The following GRIN2B variants were observed in gnomAD, a reference collection of about 807,000 sequenced individuals.
GRIN2B encodes glutamate receptor ionotropic, NMDA 2B.
In GRIN2B, 5 loss-of-function variants were observed where a neutral mutation model predicts 114.5. The observed-to-expected ratio is 0.04, with a 90% confidence interval of 0.02 to 0.09. GRIN2B has a LOEUF of 0.09. GRIN2B is among the 10% of genes least tolerant of loss of function. The probability of loss-of-function intolerance (pLI) is 1.00; values close to 1 mark genes in which losing one functional copy is unlikely to be tolerated. For missense variants in GRIN2B, 1,108 were observed against 1,943.5 expected, an observed-to-expected ratio of 0.57 and a Z score of 8.08; for synonymous variants, 787 against 745.1, an observed-to-expected ratio of 1.06 and a Z score of -0.92.
chr12:13,611,096 A>G (rs1949360315), intron 9 of GRIN2B, among the ~76,000 whole-genome samples: 1 of 152,218 alleles, frequency 6.6e-6, no homozygotes, highest in African/African-American at 2.4e-5. Flanking sequence ...CCTCAAACAC[A>G]TGGGCAGCCC....
intron 2 of GRIN2B, among the ~76,000 whole-genome samples, chr12:13,965,057 C>T (rs888221075): frequency 6.6e-6 from 1 of 152,110 alleles, no homozygotes; most frequent in Non-Finnish European, 1.5e-5. Flanking sequence ...TCTATTTAAC[C>T]CACCCCATTT....
intron 2 of GRIN2B, among the ~76,000 whole-genome samples, chr12:13,901,375 G>T (rs1414175808): frequency 6.6e-6 from 1 of 151,606 alleles, no homozygotes; most frequent in Non-Finnish European, 1.5e-5. Flanking sequence ...ATACATTATG[G>T]ATACTTTAAA....
chr12:13,921,199 T>A (rs1482619192), intron 2 of GRIN2B, among the ~76,000 whole-genome samples: 1 of 152,038 alleles, frequency 6.6e-6, no homozygotes, highest in Non-Finnish European at 1.5e-5. Flanking sequence ...GAGTTCAAGA[T>A]CAGCCTGGCC....
Position 13,571,941 on chromosome 12 carries a change from T to A in GRIN2B, c.2034A>T (p.Ser678=), listed in dbSNP as rs773919445. ...GCACGGTCCCAAAGCGGAAAGGGGGTGAGAAGTCATTAGGTCTCTGGAACT... is the reference window on the plus strand; with the variant it reads ...GCACGGTCCCAAAGCGGAAAGGGGGAGAGAAGTCATTAGGTCTCTGGAACT... ...DKKFQRPNDF[S]PPFRFGTVPN... The change falls in exon 11 of 14, where the codon TCA becomes TCT. Residue 678 remains serine, a synonymous_variant. Transcript: ENST00000609686. 6.2e-7 allele frequency: 1 copy of A among 1,613,558 alleles called. No individual in the cohort carries two copies. The highest frequency in any genetic ancestry group is 1.7e-5 in the Admixed American group (1 of 59,972).
intron 4 of GRIN2B, among the ~76,000 whole-genome samples, chr12:13,731,346 T>C (rs1304742374): frequency 6.6e-6 from 1 of 152,122 alleles, no homozygotes; most frequent in Non-Finnish European, 1.5e-5. Flanking sequence ...ACACCTGTAA[T>C]CCCAGCACTT....
intron 2 of GRIN2B, among the ~76,000 whole-genome samples, chr12:13,930,606 G>A (rs952111064): frequency 1.3e-5 from 2 of 152,108 alleles, no homozygotes; most frequent in Admixed American, 6.5e-5. Context: ...TTAATGTATC[G>A]GTAATTTATA....
rs560614200 is a variant in GRIN2B at position 13,783,644 on chromosome 12, G to A, written c.412-29729C>T. On this transcript the variant is annotated intron_variant, in intron 3 of 13. Coordinates refer to ENST00000609686, the MANE Select transcript of GRIN2B (RefSeq NM_000834.5). ...GCTGACTGAAGTCTGTGAATACCCA[G>A]AGAAATTGATGAAGGTCTCTGGGCT... 3.3e-5 allele frequency among the ~76,000 whole-genome samples: 5 copies of A among 152,276 alleles called. No homozygotes were observed. The South Asian group carries it at 8.3e-4, about 25-fold the overall frequency.
At chr12:13,794,754 A>G (rs183985270) in intron 3 of GRIN2B, among the ~76,000 whole-genome samples, 16 of 152,368 alleles carry the variant, frequency 1.1e-4, no homozygotes, top group Middle Eastern at 3.4e-3. Flanking sequence ...CTACTCGCCA[A>G]GCCTCAGAAT....
intron 5 of GRIN2B, among the ~76,000 whole-genome samples, chr12:13,664,171 T>C (rs1017991347): frequency 5.9e-5 from 9 of 152,118 alleles, no homozygotes; most frequent in African/African-American, 2.4e-5. Flanking sequence ...GAGAAAAGCA[T>C]AAGACAGGGC....
In GRIN2B at chr12:13,560,697, TG is replaced by T. The variant is rs1948531563; in HGVS notation, c.*2085del. 1 of 152,232 alleles carries T rather than the reference TG, an allele frequency of 6.6e-6. No individual in the cohort carries two copies. Among genetic ancestry groups the T allele is most frequent in the South Asian group, 2.1e-4 (1 of 4,826 alleles). The allele number at this position is 152,232 out of a possible 1,614,324, so 9.4% of individuals were successfully genotyped here. A position where few individuals can be genotyped will look rare whatever the true frequency, so the allele number is the denominator to read the frequency against. On this transcript the variant is annotated 3_prime_UTR_variant, in exon 14 of 14. Transcript: ENST00000609686. ...CACTCCGTGCTCCTCTCACCAAATCTGTGAGAGGTTCAGCCCCTTGCCCCCA... is the reference window on the plus strand; with the variant it reads ...CACTCCGTGCTCCTCTCACCAAATCTTGAGAGGTTCAGCCCCTTGCCCCCA...
At chr12:13,804,982 T>G (rs1478138108) in intron 3 of GRIN2B, among the ~76,000 whole-genome samples, 1 of 152,224 alleles carries the variant, frequency 6.6e-6, no homozygotes. Flanking sequence ...CCCTGTCATA[T>G]TCGCAATACA....
intron 4 of GRIN2B, among the ~76,000 whole-genome samples, chr12:13,751,049 T>C (rs1343428472): frequency 6.6e-6 from 1 of 152,116 alleles, no homozygotes; most frequent in East Asian, 1.9e-4. Context: ...TAAGGGAACA[T>C]CAGCACCTGT....
chr12:13,718,331 T>C (rs1448761509), intron 4 of GRIN2B, among the ~76,000 whole-genome samples: 1 of 152,038 alleles, frequency 6.6e-6, no homozygotes, highest in Non-Finnish European at 1.5e-5. Context: ...CATCTCAGCC[T>C]GATCAGTCAA....
chr12:13,931,139 C>T (rs964865806), intron 2 of GRIN2B, among the ~76,000 whole-genome samples: 6 of 152,120 alleles, frequency 3.9e-5, no homozygotes, highest in Admixed American at 2.0e-4. Context: ...AATATTTAAT[C>T]TAAAAATTTT....
intron 4 of GRIN2B, among the ~76,000 whole-genome samples, chr12:13,699,282 A>T (rs1950290132): frequency 6.6e-6 from 1 of 152,196 alleles, no homozygotes; most frequent in African/African-American, 2.4e-5. Flanking sequence ...TTGTTGTGCT[A>T]CAAAGTAGGA....
chr12:13,954,028 G>T (rs1211279105), intron 2 of GRIN2B, among the ~76,000 whole-genome samples: 1 of 152,188 alleles, frequency 6.6e-6, no homozygotes, highest in Non-Finnish European at 1.5e-5. Context: ...ACCTTGGAAT[G>T]GGAGTCAGGC....
At chr12:13,666,380 G>A (rs1305706119) in intron 5 of GRIN2B, among the ~76,000 whole-genome samples, 2 of 152,154 alleles carry the variant, frequency 1.3e-5, no homozygotes, top group African/African-American at 2.4e-5. Context: ...AGGGTGGAAG[G>A]AAAGTAGAAA....
intron 3 of GRIN2B, among the ~76,000 whole-genome samples, chr12:13,780,163 G>A (rs979304363): frequency 6.6e-6 from 1 of 151,906 alleles, no homozygotes; most frequent in Non-Finnish European, 1.5e-5. Flanking sequence ...TACCTTTCCT[G>A]GCCTAGATGG....
chr12:13,746,751 C>T (rs1165404226), intron 4 of GRIN2B, among the ~76,000 whole-genome samples: 1 of 152,138 alleles, frequency 6.6e-6, no homozygotes, highest in Non-Finnish European at 1.5e-5. Context: ...GGCTTAATGC[C>T]CTGCCCATGG....
Sources: allele counts gnomAD v4.1 joint callset (sites outside exome capture counted in the v4.1 genomes callset), GRCh38; gene constraint gnomAD v4.1.1; transcripts MANE v1.5; gene names NCBI Gene and HGNC (gene_info 2026-07-23, HGNC 2026-07-21).